The following UBE2D2 variants were observed in gnomAD, a reference collection of about 807,000 sequenced individuals.
UBE2D2 encodes the protein ubiquitin-conjugating enzyme E2 D2.
UBE2D2 carries 2 observed loss-of-function variants against 24.2 expected under a neutral mutation model. The observed-to-expected ratio is 0.08, with a 90% CI of 0.03 to 0.26. The LOEUF (loss-of-function observed/expected upper bound fraction) is 0.26. UBE2D2 is among the 10% of genes least tolerant of loss of function. The pLI is 1.00. For missense variants in UBE2D2, 44 were observed against 177.6 expected (o/e 0.25, Z 4.28); for synonymous variants, 58 against 56.5 (o/e 1.03, Z -0.12).
At chr5:139,596,532 T>A (rs1753963076) in intron 1 of UBE2D2, among the ~76,000 whole-genome samples, 1 of 151,774 alleles carries the variant, frequency 6.6e-6, no homozygotes. Flanking sequence ...GACCTTGTGA[T>A]CCACCCGCCT....
chr5:139,618,677 T>A (rs748966878), intron 5 of UBE2D2, among the ~76,000 whole-genome samples: 10 of 152,182 alleles, frequency 6.6e-5, no homozygotes, highest in Non-Finnish European at 1.3e-4. Context: ...TGCCTAGCGT[T>A]GATTTTTTTT....
intron 2 of UBE2D2, among the ~76,000 whole-genome samples, chr5:139,607,405 A>G (rs1307468963): frequency 6.6e-6 from 1 of 152,202 alleles, no homozygotes; most frequent in African/African-American, 2.4e-5. Flanking sequence ...AGAGCCATAA[A>G]GATTATTTGT....
chr5:139,611,910 G>A (rs972609665), intron 2 of UBE2D2: 2 of 150,194 alleles, frequency 1.3e-5, no homozygotes, highest in Non-Finnish European at 1.5e-5. Context: ...CCCCGTGGGG[G>A]AAAATACATC....
intron 1 of UBE2D2, among the ~76,000 whole-genome samples, chr5:139,576,000 G>T (rs756630929): frequency 6.6e-6 from 1 of 152,164 alleles, no homozygotes; most frequent in Non-Finnish European, 1.5e-5. Context: ...CAGCCTAGGT[G>T]ACAGAGCGAG....
chr5:139,561,439 G>C lies in UBE2D2; in HGVS notation c.-353G>C, dbSNP rs888671741. ...TCCCTCCGGCTGTCCGACCAAGAGA[G>C]GCCGGCCGAGCCCGAGGCTTGGGCT... On this transcript the variant is annotated 5_prime_UTR_variant, in exon 1 of 7. Transcript: ENST00000398733. 23 of 263,084 alleles carry C rather than the reference G, an allele frequency of 8.7e-5. No homozygotes were observed. Among genetic ancestry groups the C allele is most frequent in the African/African-American group, 4.4e-4 (20 of 45,058 alleles). 16.3% of individuals were successfully genotyped at this position (263,084 alleles called of 1,614,324 possible). A position where few individuals can be genotyped will look rare whatever the true frequency, so the allele number is the denominator to read the frequency against.
At chr5:139,605,306 T>C (rs930327126) in intron 2 of UBE2D2, among the ~76,000 whole-genome samples, 2 of 152,026 alleles carry the variant, frequency 1.3e-5, no homozygotes, top group African/African-American at 2.4e-5. Context: ...CTGAAAGAAG[T>C]AAGCAGCCGG....
intron 2 of UBE2D2, among the ~76,000 whole-genome samples, chr5:139,603,148 G>A (rs1754118423): frequency 6.6e-6 from 1 of 152,176 alleles, no homozygotes; most frequent in Admixed American, 6.6e-5. Context: ...TATTCAGTTG[G>A]AAAAGTGCTT....
intron 1 of UBE2D2, among the ~76,000 whole-genome samples, chr5:139,597,469 G>A (rs1003722788): frequency 2.6e-5 from 4 of 152,180 alleles, no homozygotes; most frequent in Admixed American, 6.6e-5. Context: ...ATTGGCTCCT[G>A]AAATGGACTG....
chr5:139,603,897 C>T (rs1287385116), intron 2 of UBE2D2, among the ~76,000 whole-genome samples: 2 of 151,648 alleles, frequency 1.3e-5, no homozygotes, highest in African/African-American at 4.8e-5. Context: ...TGCAGTGAGC[C>T]GAGATCACGC....
chr5:139,537,947 G>A (rs1752707098), intron 1 of UBE2D2, among the ~76,000 whole-genome samples: 1 of 145,982 alleles, frequency 6.9e-6, no homozygotes, highest in Non-Finnish European at 1.5e-5. Context: ...CTGGGCAACA[G>A]AGCGAGACTC....
At chr5:139,586,953 C>CT (rs1753737907) in intron 1 of UBE2D2, among the ~76,000 whole-genome samples, 1 of 152,032 alleles carries the variant, frequency 6.6e-6, no homozygotes, top group African/African-American at 2.4e-5. Flanking sequence ...GTTGCCTAGG[C>CT]TGAAGTACAG....
rs58143967 is a variant in UBE2D2, at chr5:139,544,780, C to CT, written c.-64+18178dup. ...GTAACCCACTTTATACTGTAGTTTG[C>CT]TTTTTTTTTTCTTTTTTTAGACAGT... On this transcript the variant is annotated intron_variant, in intron 1 of 6. Transcript: ENST00000511725. Among the ~76,000 whole-genome samples, 22 of 148,986 alleles carry CT rather than the reference C, an allele frequency of 1.5e-4. No individual in the cohort carries two copies. In the South Asian group the frequency reaches 1.9e-3, roughly 13 times the overall value.
chr5:139,544,998 C>G (rs1276597705), intron 1 of UBE2D2, among the ~76,000 whole-genome samples: 1 of 151,736 alleles, frequency 6.6e-6, no homozygotes, highest in Non-Finnish European at 1.5e-5. Flanking sequence ...CCAGGATGGT[C>G]TCGATCTTTT....
intron 1 of UBE2D2, among the ~76,000 whole-genome samples, chr5:139,570,404 A>G (rs1356312225): frequency 6.6e-6 from 1 of 151,914 alleles, no homozygotes; most frequent in Non-Finnish European, 1.5e-5. Context: ...GCAGTTGTGC[A>G]ATCTCGGCTC....
intron 1 of UBE2D2, among the ~76,000 whole-genome samples, chr5:139,541,979 G>A (rs556485955): frequency 6.6e-6 from 1 of 152,094 alleles, no homozygotes; most frequent in Non-Finnish European, 1.5e-5. Context: ...CTGAGGTCAG[G>A]AGTTCAAGAC....
chr5:139,542,633 G>A (rs1288849534), intron 1 of UBE2D2, among the ~76,000 whole-genome samples: 1 of 152,018 alleles, frequency 6.6e-6, no homozygotes, highest in East Asian at 1.9e-4. Context: ...GCATGACATA[G>A]TTTTGACAAA....
intron 1 of UBE2D2, among the ~76,000 whole-genome samples, chr5:139,576,360 G>T (rs1753468432): frequency 6.6e-6 from 1 of 152,000 alleles, no homozygotes; most frequent in South Asian, 2.1e-4. Flanking sequence ...GGCTCCTTTG[G>T]TTTGTGGCTA....
intron 2 of UBE2D2, among the ~76,000 whole-genome samples, chr5:139,604,837 G>A (rs1033889955): frequency 2.6e-5 from 4 of 151,088 alleles, no homozygotes; most frequent in Admixed American, 2.0e-4. Flanking sequence ...CTATGATTTG[G>A]CCACTATACT....
At chr5:139,595,583 G>A (rs1442484847) in intron 1 of UBE2D2, among the ~76,000 whole-genome samples, 5 of 151,942 alleles carry the variant, frequency 3.3e-5, no homozygotes, top group Non-Finnish European at 7.4e-5. Flanking sequence ...TCGCCATGTT[G>A]GCCAGGCTGG....
Sources: allele counts gnomAD v4.1 joint callset (sites outside exome capture counted in the v4.1 genomes callset), GRCh38; gene constraint gnomAD v4.1.1; transcripts MANE v1.5; gene names NCBI Gene and HGNC (gene_info 2026-07-23, HGNC 2026-07-21).